The following AKAP13 variants were observed in gnomAD, a reference collection of about 807,000 sequenced individuals.
The protein encoded by AKAP13 is A-kinase anchoring protein 13.
Under a neutral mutation model 264.5 loss-of-function variants are expected in AKAP13, and 80 were observed. The observed-to-expected ratio is 0.30, with a 90% CI of 0.25 to 0.36. The LOEUF is 0.36. AKAP13 is among the 10% of genes least tolerant of loss of function. The probability of loss-of-function intolerance (pLI) is 1.00; values close to 1 mark genes in which losing one functional copy is unlikely to be tolerated. For synonymous variants in AKAP13, 1,380 were observed against 1,250.2 expected (o/e 1.10, Z -2.19); for missense variants, 3,712 against 3,435.2 (o/e 1.08, Z -2.01).
chr15:85,632,457 C>T (rs2081881829), intron 8 of AKAP13, among the ~76,000 whole-genome samples: 1 of 152,178 alleles, frequency 6.6e-6, no homozygotes. Flanking sequence ...GTATTTTTAT[C>T]TTCTAAGGGT....
At chr15:85,649,377 G>C (rs1442425773) in intron 10 of AKAP13, among the ~76,000 whole-genome samples, 1 of 152,218 alleles carries the variant, frequency 6.6e-6, no homozygotes, top group Non-Finnish European at 1.5e-5. Context: ...GGCACTGGCA[G>C]ATAGGCCATC....
At chr15:85,742,778 C>T (rs557848438) in intron 35 of AKAP13, among the ~76,000 whole-genome samples, 13 of 151,994 alleles carry the variant, frequency 8.6e-5, no homozygotes, top group Non-Finnish European at 1.8e-4. Flanking sequence ...ACCATGTTGC[C>T]GTTTGTTTGA....
intron 8 of AKAP13, among the ~76,000 whole-genome samples, chr15:85,623,479 T>A (rs1020728864): frequency 6.6e-6 from 1 of 152,226 alleles, no homozygotes; most frequent in Non-Finnish European, 1.5e-5. Context: ...CTGTGTTATA[T>A]ACCCACGCTT....
intron 1 of AKAP13, among the ~76,000 whole-genome samples, chr15:85,446,298 G>C (rs1282279590): frequency 8.5e-5 from 13 of 152,120 alleles, no homozygotes; most frequent in Admixed American, 8.5e-4. Context: ...ACAACGACTT[G>C]GGCAGCAGGG....
chr15:85,396,961 T>C (rs2071147405), intron 1 of AKAP13, among the ~76,000 whole-genome samples: 1 of 150,404 alleles, frequency 6.6e-6, no homozygotes, highest in South Asian at 2.1e-4. Flanking sequence ...ACAGGAATGC[T>C]ATGATTTATA....
At chr15:85,436,291 A>G (rs2150940533) in intron 1 of AKAP13, among the ~76,000 whole-genome samples, 1 of 93,148 alleles carries the variant, frequency 1.1e-5, no homozygotes, top group Admixed American at 1.2e-4. Flanking sequence ...TATGCACCCA[A>G]TACAGGAGCA....
rs778208856 is a variant in AKAP13, at chr15:85,582,042, G to A, written c.3974G>A (p.Cys1325Tyr). ...PEEATGSLAG[C>Y]FAGREEPEKI... is the part of the protein sequence containing the mutation. ...GAAGCCACGGGGAGCCTTGCAGGAT[G>A]TTTTGCTGGAAGGGAGGAGCCAGAG... The change falls in exon 7 of 37, where the codon TGT (cysteine) becomes TAT (tyrosine). Residue 1325 changes from cysteine to tyrosine, a missense_variant. Cys to Tyr is a radical substitution (Grantham distance 194, BLOSUM62 -2). Coordinates refer to ENST00000394518, the MANE Select transcript of AKAP13 (RefSeq NM_007200.5). 3 of 1,613,970 alleles carry A rather than the reference G, an allele frequency of 1.9e-6. No individual in the cohort carries two copies. The highest frequency in any genetic ancestry group is 1.7e-5 in the Admixed American group (1 of 60,016).
At chr15:85,460,585 G>A (rs2074472817) in intron 1 of AKAP13, among the ~76,000 whole-genome samples, 1 of 152,174 alleles carries the variant, frequency 6.6e-6, no homozygotes, top group Non-Finnish European at 1.5e-5. Flanking sequence ...TATGGCACAA[G>A]GTTCTCTCTG....
chr15:85,464,815 G>A lies in AKAP13; in HGVS notation c.-11-20895G>A, dbSNP rs1194578903. Among the ~76,000 whole-genome samples, 4 of 152,082 alleles carry A rather than the reference G, an allele frequency of 2.6e-5. No homozygotes were observed. In the East Asian group the frequency reaches 5.8e-4, roughly 22 times the overall value. ...TTTAGAATTTTCAATTGCTTACCCC[G>A]TCCCTTTTTCTTCTTTTACTAGTTC... On this transcript the variant is annotated intron_variant, in intron 1 of 36. Transcript: ENST00000394518.
chr15:85,565,449 T>A (rs1291979830), intron 5 of AKAP13, among the ~76,000 whole-genome samples: 1 of 152,202 alleles, frequency 6.6e-6, no homozygotes, highest in Non-Finnish European at 1.5e-5. Context: ...AAGGCCTGAT[T>A]TGGTTACAAT....
chr15:85,594,418 A>G (rs181150532), intron 8 of AKAP13, among the ~76,000 whole-genome samples: 1 of 152,364 alleles, frequency 6.6e-6, no homozygotes, highest in Admixed American at 6.5e-5. Flanking sequence ...TTGTGAAAAG[A>G]TAACTTTCAG....
chr15:85,682,949 G>GAGCCACCGCACCTGGCCAC (rs1221102201), intron 15 of AKAP13, among the ~76,000 whole-genome samples: 13 of 5,808 alleles, frequency 2.2e-3, no homozygotes, highest in African/African-American at 7.6e-3. Context: ...TTACAGGCGT[G>GAGCCACCGCACCTGGCCAC]AAATTGATTC....
chr15:85,481,519 G>A lies in AKAP13; in HGVS notation c.-11-4191G>A, dbSNP rs539587315. On this transcript the variant is annotated intron_variant, in intron 1 of 36. Transcript: ENST00000394518. ...AAAGTGAATGTGTCTCTTTTATACA[G>A]CAGAAAACTATTAAATTTGTTTTTT... 5.7e-4 allele frequency among the ~76,000 whole-genome samples: 87 copies of A among 152,238 alleles called. No homozygotes were observed. The South Asian group carries it at 0.018, about 31-fold the overall frequency.
intron 1 of AKAP13, among the ~76,000 whole-genome samples, chr15:85,476,357 A>G (rs2075163234): frequency 6.6e-6 from 1 of 152,218 alleles, no homozygotes. Flanking sequence ...GTTGGAATGT[A>G]TATTTTCCTC....
intron 33 of AKAP13, 96 bp from the exon 34 acceptor site, chr15:85,740,126 C>A: frequency 1.6e-6 from 2 of 1,284,878 alleles, no homozygotes; most frequent in Non-Finnish European, 2.2e-6. Context: ...TTAGTTGTAT[C>A]TTAAAGGAGC....
intron 10 of AKAP13, among the ~76,000 whole-genome samples, chr15:85,653,116 C>T (rs372165952): frequency 1.3e-5 from 2 of 152,180 alleles, no homozygotes; most frequent in African/African-American, 4.8e-5. Flanking sequence ...TAGGAAACCC[C>T]TGAGTCCCTC....
intron 3 of AKAP13, among the ~76,000 whole-genome samples, chr15:85,521,874 G>A (rs1188093374): frequency 6.6e-6 from 1 of 152,002 alleles, no homozygotes; most frequent in Non-Finnish European, 1.5e-5. Context: ...CCTCCTACTT[G>A]GCAAAAATGA....
intron 17 of AKAP13, among the ~76,000 whole-genome samples, chr15:85,700,113 T>G (rs1476058688): frequency 6.6e-6 from 1 of 152,254 alleles, no homozygotes; most frequent in Admixed American, 6.5e-5. Context: ...TGTATATACA[T>G]TATTTCTAGG....
intron 16 of AKAP13, chr15:85,685,315 T>C (rs976069972): frequency 2.0e-5 from 3 of 152,696 alleles, no homozygotes; most frequent in East Asian, 3.8e-4. Flanking sequence ...ATTGAAAATA[T>C]TTATATTTGG....
Sources: allele counts gnomAD v4.1 joint callset (sites outside exome capture counted in the v4.1 genomes callset), GRCh38; gene constraint gnomAD v4.1.1; transcripts MANE v1.5; gene names NCBI Gene and HGNC (gene_info 2026-07-23, HGNC 2026-07-21).